The following LIMK2 variants were observed in gnomAD, a reference collection of about 807,000 sequenced individuals.
LIMK2 encodes LIM domain kinase 2.
Under a neutral mutation model 75.7 loss-of-function variants are expected in LIMK2, and 35 were observed. That is an observed-to-expected ratio of 0.46 (90% confidence interval 0.35 to 0.61). The LOEUF is 0.61. Among genes scored for constraint, LIMK2 ranks in the 20% least tolerant of loss-of-function variants. The pLI, the probability that LIMK2 is intolerant of heterozygous loss-of-function variation, is 0.00. For missense variants in LIMK2, 623 were observed against 831.0 expected (o/e 0.75, Z 3.08); for synonymous variants, 301 against 319.2 (o/e 0.94, Z 0.61).
chr22:31,253,175 A>G (rs1381782550), intron 2 of LIMK2, among the ~76,000 whole-genome samples: 1 of 152,188 alleles, frequency 6.6e-6, no homozygotes, highest in Non-Finnish European at 1.5e-5. Flanking sequence ...TTTCAGCTCA[A>G]TTCACTCTGG....
chr22:31,253,369 G>A (rs941311515), intron 2 of LIMK2, among the ~76,000 whole-genome samples: 36 of 152,238 alleles, frequency 2.4e-4, no homozygotes, highest in African/African-American at 8.4e-4. Context: ...AGCATCTGAG[G>A]TGGGACATGT....
At position 31,271,205 on chromosome 22, in the gene LIMK2, T is replaced by C; in HGVS notation, c.1383+4T>C. 1 of 1,613,474 alleles carries C rather than the reference T, an allele frequency of 6.2e-7. No homozygotes were observed. Among genetic ancestry groups the C allele is most frequent in the Non-Finnish European group, 8.5e-7 (1 of 1,179,394 alleles). On this transcript the variant is annotated splice_donor_region_variant and intron_variant, in intron 12 of 15. Transcript: ENST00000331728. ...GCACAACTGCCTCATCAAGTTGGTA[T>C]GTCCCACTGCTCTGGGCCTGGCCTC...
rs201894352 is a variant in LIMK2, at chr22:31,262,771, A to C, written c.834A>C (p.Thr278=). The C allele has an allele frequency of 3.8e-5, 61 of 1,610,694 alleles. No individual in the cohort carries two copies. The Middle Eastern group carries it at 2.0e-3, about 52-fold the overall frequency. ...TLDTKENLEG[T]LRRRSLRRSN... ...ACACCAAGGAGAATCTGGAGGGGAC[A>C]CTGAGGAGACGTTCCCTAAGGTGCC... The change falls in exon 7 of 16, where the codon ACA becomes ACC. Residue 278 remains threonine (T), a synonymous_variant. Coordinates refer to ENST00000331728, the MANE Select transcript of LIMK2 (RefSeq NM_005569.4). The surrounding 1 kb of genome is among the most constrained non-coding windows in gnomAD (Gnocchi z 5.0).
Position 31,260,017 on chromosome 22 carries a change from G to T in LIMK2, c.491G>T (p.Gly164Val). The T allele has an allele frequency of 6.2e-7, 1 of 1,609,944 alleles. No homozygotes were observed. The highest frequency in any genetic ancestry group is 8.5e-7 in the Non-Finnish European group (1 of 1,178,920). Reference protein sequence around the residue: ...SMPATTEGRRGFSVSVESACS... With the variant: ...SMPATTEGRRVFSVSVESACS... ...CCGGCCACCACTGAAGGCAGGCGGG[G>T]CTTCTCCGTGTCCGTGGAGAGTGCC... is the stretch of plus-strand genomic sequence containing the variant. The change falls in exon 5 of 16, where the codon GGC (glycine) becomes GTC (valine). Residue 164 changes from glycine to valine, a missense_variant. Coordinates refer to ENST00000331728, the MANE Select transcript of LIMK2 (RefSeq NM_005569.4).
chr22:31,277,416 C>CAAAAA, intron 15 of LIMK2: 1 of 1,005,832 alleles, frequency 9.9e-7, no homozygotes, highest in Non-Finnish European at 1.2e-6. Flanking sequence ...TGGTGCAGCT[C>CAAAAA]AAAAAAAAAA....
chr22:31,233,490 C>T (rs117236576), intron 2 of LIMK2, among the ~76,000 whole-genome samples: 274 of 152,288 alleles, frequency 1.8e-3, no homozygotes, highest in Non-Finnish European at 3.1e-3. Flanking sequence ...TTCCTTCAGG[C>T]GTGCTGTTTT....
Position 31,265,969 on chromosome 22 carries a change from C to G in LIMK2, c.878C>G (p.Ser293Cys). 6.2e-7 allele frequency: 1 copy of G among 1,614,100 alleles called. No individual in the cohort carries two copies. Among genetic ancestry groups the G allele is most frequent in the Non-Finnish European group, 8.5e-7 (1 of 1,179,956 alleles). Residue 293 changes from serine (S) to cysteine (C), a missense_variant, in exon 8 of 16, where the codon TCC becomes TGC. Transcript: ENST00000331728. ...SLRRSNSISK[S>C]PGPSSPKEPL... ...AGGCGCAGTAACAGTATCTCCAAGTCCCCTGGCCCCAGCTCCCCAAAGGAG... is the reference window on the plus strand; with the variant it reads ...AGGCGCAGTAACAGTATCTCCAAGTGCCCTGGCCCCAGCTCCCCAAAGGAG...
intron 11 of LIMK2, among the ~76,000 whole-genome samples, chr22:31,269,478 G>A (rs919848965): frequency 5.3e-5 from 8 of 151,906 alleles, no homozygotes; most frequent in African/African-American, 1.9e-4. Context: ...TTTCCAAAAT[G>A]AGTCTGGGCT....
intron 2 of LIMK2, among the ~76,000 whole-genome samples, chr22:31,229,751 C>T (rs2048510682): frequency 6.6e-6 from 1 of 152,170 alleles, no homozygotes; most frequent in South Asian, 2.1e-4. Flanking sequence ...TCATCTCTCC[C>T]TTACATTACC....
intron 1 of LIMK2, among the ~76,000 whole-genome samples, chr22:31,212,855 C>T (rs1447781078): frequency 6.6e-6 from 1 of 152,040 alleles, no homozygotes; most frequent in Non-Finnish European, 1.5e-5. Flanking sequence ...CTCTAGGGTT[C>T]AGGACAATTA....
chr22:31,246,167 C>T (rs984106331), intron 2 of LIMK2, among the ~76,000 whole-genome samples: 7 of 93,194 alleles, frequency 7.5e-5, no homozygotes, highest in African/African-American at 2.3e-4. Flanking sequence ...AGCGAGACTC[C>T]GACACACGCA....
rs1601421717 is a variant in LIMK2 at position 31,249,431 on chromosome 22, A to G, written c.117-8860A>G. On this transcript the variant is annotated intron_variant, in intron 2 of 15. Transcript: ENST00000331728. ...CCACACCTCCTCAGTCCCTAGGCCT[A>G]AGTACCTCCACGAGCCTCTCTCTGT... 2.0e-5 allele frequency among the ~76,000 whole-genome samples: 3 copies of G among 152,122 alleles called. 1 individual carries two copies. The South Asian group carries it at 6.2e-4, about 32-fold the overall frequency.
rs201035171 is a variant in LIMK2, at chr22:31,265,968, T to C, written c.877T>C (p.Ser293Pro). 1 of 1,614,030 alleles carries C rather than the reference T, an allele frequency of 6.2e-7. No individual in the cohort carries two copies. The highest frequency in any genetic ancestry group is 8.5e-7 in the Non-Finnish European group (1 of 1,180,006). Residue 293 changes from serine to proline, a missense_variant, in exon 8 of 16, where the codon TCC becomes CCC. Transcript: ENST00000331728. ...CAGGCGCAGTAACAGTATCTCCAAG[T>C]CCCCTGGCCCCAGCTCCCCAAAGGA... ...SLRRSNSISK[S>P]PGPSSPKEPL... is the part of the protein sequence containing the mutation.
At chr22:31,272,475 G>A (rs1220954043) in intron 12 of LIMK2, 55 bp from the exon 13 acceptor site, 76 of 1,516,652 alleles carry the variant, frequency 5.0e-5, no homozygotes, top group Non-Finnish European at 6.5e-5. Context: ...TTCCTCCCCA[G>A]GGCCAGGTTT....
chr22:31,222,372 C>CT (rs3068235), intron 1 of LIMK2, among the ~76,000 whole-genome samples: 20,200 of 55,298 alleles, frequency 0.37, 7,023 homozygotes, highest in Non-Finnish European at 0.46. Context: ...TGCCCAGCCT[C>CT]TTTTTTTTTT....
chr22:31,215,180 A>G (rs934259062), intron 1 of LIMK2, among the ~76,000 whole-genome samples: 1 of 152,214 alleles, frequency 6.6e-6, no homozygotes, highest in Non-Finnish European at 1.5e-5. Context: ...GTCAGAGTTC[A>G]TATTTTCCAA....
In LIMK2 at chr22:31,255,978, C is replaced by CTTT. The variant is rs567250437; in HGVS notation, c.117-2277_117-2275dup. On this transcript the variant is annotated intron_variant, in intron 2 of 15. Coordinates refer to ENST00000331728, the MANE Select transcript of LIMK2 (RefSeq NM_005569.4). ...ATACTGAGTTTCTACTATATTGGGT[C>CTTT]TTTTTTTTTTTTTTTTTTTTTTTTT... 1.3e-3 allele frequency among the ~76,000 whole-genome samples: 38 copies of CTTT among 29,680 alleles called. 13 individuals are homozygous for CTTT. Among genetic ancestry groups the CTTT allele is most frequent in the African/African-American group, 1.7e-3 (14 of 8,404 alleles). The allele number at this position is 29,680 out of a possible 152,430, so 19.5% of individuals were successfully genotyped here.
chr22:31,269,773 CAAAA>C (rs545628891), intron 11 of LIMK2, among the ~76,000 whole-genome samples: 1 of 96,550 alleles, frequency 1.0e-5, no homozygotes, highest in Admixed American at 1.1e-4. Context: ...GACTTCATCT[CAAAA>C]AAAAAAAAAA....
chr22:31,260,422 C>G (rs2048827023), intron 5 of LIMK2, among the ~76,000 whole-genome samples: 1 of 152,204 alleles, frequency 6.6e-6, no homozygotes, highest in Non-Finnish European at 1.5e-5. Flanking sequence ...AACTTGCTGT[C>G]TTATTCAGTG....
Sources: gnomAD v4.1 joint callset for allele counts (sites outside exome capture counted in the v4.1 genomes callset) on GRCh38, gnomAD v4.1.1 for gene constraint, Gnocchi (gnomAD v3.1) non-coding constraint, MANE v1.5 for transcripts, NCBI Gene and HGNC (gene_info 2026-07-23, HGNC 2026-07-21) for gene names.